The following NAV2 variants were observed in gnomAD, a reference collection of about 807,000 sequenced individuals.
The protein encoded by NAV2 is neuron navigator 2.
NAV2 carries 54 observed loss-of-function variants against 223.2 expected under a neutral mutation model. That is an observed-to-expected ratio of 0.24 (90% CI 0.19 to 0.30). The LOEUF (loss-of-function observed/expected upper bound fraction) is 0.30, where lower values mean the gene tolerates loss of function less well. Among genes scored for constraint, NAV2 ranks in the 10% least tolerant of loss-of-function variants. NAV2 has a pLI of 1.00. For missense variants in NAV2, 2,806 were observed against 3,147.5 expected, an observed-to-expected ratio of 0.89 and a Z score of 2.60; for synonymous variants, 1,279 against 1,239.3, an observed-to-expected ratio of 1.03 and a Z score of -0.67.
At chr11:19,747,826 CTG>C (rs528678245) in intron 1 of NAV2, among the ~76,000 whole-genome samples, 23 of 152,308 alleles carry the variant, frequency 1.5e-4, no homozygotes, top group Non-Finnish European at 3.1e-4. Flanking sequence ...GAAAGAGCTA[CTG>C]TGTGTCATTT....
At chr11:19,954,359 C>T (rs1389877563) in intron 10 of NAV2, among the ~76,000 whole-genome samples, 2 of 152,050 alleles carry the variant, frequency 1.3e-5, no homozygotes, top group African/African-American at 4.8e-5. Context: ...CAGATGCCTG[C>T]GGGGAGACTC....
At chr11:19,787,388 T>C (rs2057210693) in intron 1 of NAV2, among the ~76,000 whole-genome samples, 1 of 150,164 alleles carries the variant, frequency 6.7e-6, no homozygotes, top group Admixed American at 6.7e-5. Flanking sequence ...AGTGTTGGGA[T>C]TACAGACGTG....
chr11:20,030,343 C>A (rs913375886), intron 11 of NAV2, among the ~76,000 whole-genome samples: 1 of 152,156 alleles, frequency 6.6e-6, no homozygotes, highest in Non-Finnish European at 1.5e-5. Flanking sequence ...TAAAAAATAT[C>A]TTATTTTTAA....
intron 1 of NAV2, among the ~76,000 whole-genome samples, chr11:19,370,059 T>C (rs371234335): frequency 6.6e-6 from 1 of 152,202 alleles, no homozygotes; most frequent in East Asian, 1.9e-4. Flanking sequence ...AGCCTTTCAA[T>C]TGCCTCCAAC....
At chr11:19,397,888 G>A (rs968803529) in intron 1 of NAV2, among the ~76,000 whole-genome samples, 4 of 152,102 alleles carry the variant, frequency 2.6e-5, no homozygotes, top group Non-Finnish European at 5.9e-5. Flanking sequence ...CAGTAGGGGA[G>A]GGGAAAAGAG....
chr11:19,783,314 T>C (rs2056876447), intron 1 of NAV2, among the ~76,000 whole-genome samples: 1 of 152,200 alleles, frequency 6.6e-6, no homozygotes, highest in Admixed American at 6.5e-5. Flanking sequence ...CAAGGCCTTT[T>C]AGATGATAGC....
At chr11:19,809,307 C>T (rs1317369517) in intron 1 of NAV2, among the ~76,000 whole-genome samples, 2 of 152,194 alleles carry the variant, frequency 1.3e-5, no homozygotes, top group African/African-American at 4.8e-5. Flanking sequence ...TCAAATCAAA[C>T]ATCAGGCTAG....
In NAV2 at chr11:19,948,648, T is replaced by C. The variant is rs745326148; in HGVS notation, c.2256-43T>C. On this transcript the variant is annotated intron_variant, in intron 9 of 37. Transcript: ENST00000349880. ...TAAAGAACATATAAACTGTGAAGGA[T>C]ACTAGGTACCTTTGAGTCTAATCAG... is the stretch of plus-strand genomic sequence containing the variant. 13 of 1,512,290 alleles carry C rather than the reference T, an allele frequency of 8.6e-6. No individual in the cohort carries two copies. In the African/African-American group the frequency reaches 1.1e-4, roughly 13 times the overall value. The allele number at this position is 1,512,290 out of a possible 1,614,324, so 93.7% of individuals were successfully genotyped here.
At chr11:19,598,872 C>A (rs909206781) in intron 1 of NAV2, among the ~76,000 whole-genome samples, 1 of 133,576 alleles carries the variant, frequency 7.5e-6, no homozygotes, top group Admixed American at 6.7e-5. Context: ...ATAATACGTT[C>A]TTTTATGGCC....
intron 28 of NAV2, 63 bp from the exon 29 acceptor site, chr11:20,093,036 G>T: frequency 8.8e-7 from 1 of 1,139,922 alleles, no homozygotes. Context: ...TGCAGCGGGG[G>T]TGTCAGGAAG....
At chr11:19,770,987 C>A (rs1029413486) in intron 1 of NAV2, among the ~76,000 whole-genome samples, 3 of 152,128 alleles carry the variant, frequency 2.0e-5, no homozygotes, top group Admixed American at 2.0e-4. Context: ...AGTTTATATT[C>A]ATTACATTTT....
chr11:19,478,442 GT>G (rs2042183799), intron 1 of NAV2, among the ~76,000 whole-genome samples: 1 of 152,178 alleles, frequency 6.6e-6, no homozygotes, highest in African/African-American at 2.4e-5. Flanking sequence ...GAGCAGGCCA[GT>G]TTGGAGTTCA....
At chr11:19,491,141 G>A (rs1450752050) in intron 1 of NAV2, among the ~76,000 whole-genome samples, 2 of 152,096 alleles carry the variant, frequency 1.3e-5, no homozygotes, top group African/African-American at 4.8e-5. Context: ...ACAAGCAGTA[G>A]ATGTAGTGTA....
chr11:19,743,214 C>A (rs111298536), intron 1 of NAV2, among the ~76,000 whole-genome samples: 2,736 of 152,284 alleles, frequency 0.018, 78 homozygotes, highest in African/African-American at 0.06. Flanking sequence ...CTATGAAGGG[C>A]TTTATAAACT....
At chr11:20,060,861 G>A (rs1447518487) in intron 19 of NAV2, among the ~76,000 whole-genome samples, 2 of 152,226 alleles carry the variant, frequency 1.3e-5, no homozygotes, top group Non-Finnish European at 2.9e-5. Context: ...TATAAGGGAA[G>A]AAGGAGAGGT....
intron 6 of NAV2, among the ~76,000 whole-genome samples, chr11:19,895,104 C>CTTTTTTTTTTTTTTTTTTTT (rs71050690): frequency 3.0e-5 from 3 of 99,208 alleles, no homozygotes; most frequent in South Asian, 3.8e-4. Context: ...CTTTTTCTTT[C>CTTTTTTTTTTTTTTTTTTTT]TTTTTTTTTT....
In NAV2 at chr11:20,005,253, A is replaced by ATATTTTTTTTT. The variant is rs1277010848; in HGVS notation, c.2768+21007_2768+21008insATTTTTTTTTT. 3.0e-4 allele frequency among the ~76,000 whole-genome samples: 41 copies of ATATTTTTTTTT among 134,530 alleles called. 1 individual carries two copies. Among genetic ancestry groups the ATATTTTTTTTT allele is most frequent in the Middle Eastern group, 3.8e-3 (1 of 264 alleles). The allele number at this position is 134,530 out of a possible 152,430, so 88.3% of individuals were successfully genotyped here. ...GAGTTTTAATCATATATATATATAT[A>ATATTTTTTTTT]TTTTTTTTTTTTTTTGAGATGGAGT... On this transcript the variant is annotated intron_variant, in intron 11 of 37. Transcript: ENST00000349880.
chr11:19,585,088 G>T (rs1028970916), intron 1 of NAV2, among the ~76,000 whole-genome samples: 1 of 152,204 alleles, frequency 6.6e-6, no homozygotes, highest in Non-Finnish European at 1.5e-5. Flanking sequence ...ATATATTTAG[G>T]ATAGTTAGCT....
intron 1 of NAV2, among the ~76,000 whole-genome samples, chr11:19,651,054 G>C (rs535131819): frequency 1.3e-5 from 2 of 152,248 alleles, no homozygotes; most frequent in East Asian, 3.9e-4. Context: ...AACATGGAGA[G>C]CTATTTGCCT....
Sources: gnomAD v4.1 joint callset for allele counts (sites outside exome capture counted in the v4.1 genomes callset) on GRCh38, gnomAD v4.1.1 for gene constraint, MANE v1.5 for transcripts, NCBI Gene and HGNC (gene_info 2026-07-23, HGNC 2026-07-21) for gene names.